OTUD7A: variants seen among roughly 807,000 people sequenced by gnomAD.
The protein encoded by OTUD7A is OTU domain-containing protein 7A.
In OTUD7A, 12 loss-of-function variants were observed where a neutral mutation model predicts 65.7. The observed-to-expected ratio is 0.18, with a 90% confidence interval of 0.12 to 0.30. The LOEUF is 0.30. Among genes scored for constraint, OTUD7A ranks in the 10% least tolerant of loss-of-function variants. The probability of loss-of-function intolerance (pLI) is 1.00; values close to 1 mark genes in which losing one functional copy is unlikely to be tolerated. For synonymous variants in OTUD7A, 641 were observed against 586.3 expected (o/e 1.09, Z -1.35); for missense variants, 1,148 against 1,304.8 (o/e 0.88, Z 1.85).
chr15:31,677,910 T>G (rs1892628790), intron 1 of OTUD7A, among the ~76,000 whole-genome samples: 1 of 152,148 alleles, frequency 6.6e-6, no homozygotes, highest in Non-Finnish European at 1.5e-5. Flanking sequence ...GACAGGAAGA[T>G]GTGGGAAACT....
chr15:31,678,895 C>T (rs1892651606), intron 1 of OTUD7A, among the ~76,000 whole-genome samples: 1 of 152,230 alleles, frequency 6.6e-6, no homozygotes, highest in African/African-American at 2.4e-5. Flanking sequence ...GATCCACCAA[C>T]AGCTTGTACT....
intron 10 of OTUD7A, among the ~76,000 whole-genome samples, chr15:31,493,195 T>C (rs750852686): frequency 3.3e-5 from 5 of 150,940 alleles, no homozygotes; most frequent in Non-Finnish European, 1.5e-5. Flanking sequence ...TAAAGACATA[T>C]GGAGGTTAAA....
At chr15:31,570,269 T>C (rs1419245189) in intron 3 of OTUD7A, 72 bp from the exon 4 acceptor site, 8 of 1,508,478 alleles carry the variant, frequency 5.3e-6, no homozygotes, top group Non-Finnish European at 7.3e-6. Context: ...AGAAGAACTG[T>C]GACAAGAAGG....
In OTUD7A at chr15:31,753,824, AAC is replaced by A. The variant is rs1894732413; in HGVS notation, c.-99-96749_-99-96748del. 2.7e-5 allele frequency among the ~76,000 whole-genome samples: 4 copies of A among 150,358 alleles called. No homozygotes were observed. The South Asian group carries it at 8.4e-4, about 32-fold the overall frequency. ...TGCAATTGAGAATTGTGCTGCTATA[AAC>A]ACACATGTGCAGTTATCTTTTTTTG... is the stretch of plus-strand genomic sequence containing the variant. On this transcript the variant is annotated intron_variant, in intron 1 of 12. Coordinates refer to ENST00000307050, the MANE Select transcript of OTUD7A (RefSeq NM_001382637.1).
chr15:31,607,281 A>G (rs1168047901), intron 3 of OTUD7A, among the ~76,000 whole-genome samples: 1 of 152,154 alleles, frequency 6.6e-6, no homozygotes, highest in Non-Finnish European at 1.5e-5. Flanking sequence ...CAGGGCCCTC[A>G]ATGAAGAACA....
At chr15:31,486,606 CCG>C (rs1373929173) in intron 12 of OTUD7A, among the ~76,000 whole-genome samples, 2 of 60,466 alleles carry the variant, frequency 3.3e-5, no homozygotes, top group Non-Finnish European at 6.7e-5. Flanking sequence ...AGGGGCAGCC[CCG>C]GACCCTCTGG....
chr15:31,527,401 A>G, intron 6 of OTUD7A, 93 bp from the exon 7 acceptor site: 1 of 1,492,120 alleles, frequency 6.7e-7, no homozygotes, highest in Non-Finnish European at 9.1e-7. Context: ...CCACTGGGAG[A>G]GCCTCCTGTC....
chr15:31,836,577 A>G (rs1341670914), intron 1 of OTUD7A, among the ~76,000 whole-genome samples: 1 of 152,224 alleles, frequency 6.6e-6, no homozygotes, highest in African/African-American at 2.4e-5. Flanking sequence ...TCATGAAGAC[A>G]GACACAACAA....
chr15:31,745,206 T>G (rs112911108), intron 1 of OTUD7A, among the ~76,000 whole-genome samples: 5 of 152,148 alleles, frequency 3.3e-5, no homozygotes, highest in African/African-American at 1.2e-4. Flanking sequence ...TTATTCAAAA[T>G]TTTAAATAAA....
intron 5 of OTUD7A, chr15:31,555,852 T>TTTTTTTTTTTC (rs1555396062): frequency 0.068 from 3,211 of 46,956 alleles, 191 homozygotes; most frequent in African/African-American, 0.33. Context: ...TTCTTTTTCT[T>TTTTTTTTTTTC]TTTTTTTTTT....
At position 31,567,446 on chromosome 15, in the gene OTUD7A, T is replaced by C. The variant is rs1566923751; in HGVS notation, c.331+2572A>G. On this transcript the variant is annotated intron_variant, in intron 4 of 12. Coordinates refer to ENST00000307050, the MANE Select transcript of OTUD7A (RefSeq NM_001382637.1). Reference sequence around the variant, plus strand: ...CAGCAAAGATAGGAGTTGGAACTTATATTTAAGGGAAGCAGAATGTAAAAG... The same window carrying C: ...CAGCAAAGATAGGAGTTGGAACTTACATTTAAGGGAAGCAGAATGTAAAAG... Among the ~76,000 whole-genome samples the C allele has an allele frequency of 1.3e-5, 2 of 152,310 alleles. 1 individual carries two copies. Among genetic ancestry groups the C allele is most frequent in the South Asian group, 4.1e-4 (2 of 4,820 alleles).
chr15:31,824,542 TAACAAA>T (rs902053588), intron 1 of OTUD7A, among the ~76,000 whole-genome samples: 1 of 152,216 alleles, frequency 6.6e-6, no homozygotes, highest in Non-Finnish European at 1.5e-5. Flanking sequence ...GTTCTAAAGA[TAACAAA>T]AACATTATGA....
Position 31,490,310 on chromosome 15 carries a change from G to A in OTUD7A, c.1172-2744C>T, listed in dbSNP as rs548271596. ...GGTGTTTTGTTTTTGTTTTTGAAAG[G>A]CCTCTTGTATGTCTTTTAGCCTGGA... is the stretch of plus-strand genomic sequence containing the variant. On this transcript the variant is annotated intron_variant, in intron 10 of 12. Transcript: ENST00000307050. 1.1e-3 allele frequency among the ~76,000 whole-genome samples: 166 copies of A among 152,302 alleles called. 1 individual carries two copies. Among genetic ancestry groups the A allele is most frequent in the African/African-American group, 3.9e-3 (162 of 41,564 alleles).
Position 31,717,532 on chromosome 15 carries a change from T to C in OTUD7A, c.-99-60455A>G, listed in dbSNP as rs572777656. ...TGTGTTAGTTTGCTGAAAATGATGG[T>C]TTCCAGCTTCATCCATGTCCCTACA... is the stretch of plus-strand genomic sequence containing the variant. On this transcript the variant is annotated intron_variant, in intron 1 of 12. Transcript: ENST00000307050. Among the ~76,000 whole-genome samples, 4 of 152,330 alleles carry C rather than the reference T, an allele frequency of 2.6e-5. No homozygotes were observed. In the East Asian group the frequency reaches 7.7e-4, roughly 29 times the overall value.
At chr15:31,580,667 C>T (rs893958891) in intron 3 of OTUD7A, among the ~76,000 whole-genome samples, 26 of 152,180 alleles carry the variant, frequency 1.7e-4, no homozygotes, top group Non-Finnish European at 2.9e-4. Flanking sequence ...TACATGGTGG[C>T]AGGCAAGAGC....
chr15:31,610,382 C>T (rs924796053), intron 3 of OTUD7A, among the ~76,000 whole-genome samples: 36 of 151,708 alleles, frequency 2.4e-4, no homozygotes, highest in Admixed American at 2.6e-4. Flanking sequence ...CCACTGACAG[C>T]GCTAGACAGG....
chr15:31,696,691 C>T (rs576415102), intron 1 of OTUD7A, among the ~76,000 whole-genome samples: 1 of 152,014 alleles, frequency 6.6e-6, no homozygotes, highest in Admixed American at 6.5e-5. Context: ...GTCCACCACC[C>T]AGATGACTCA....
intron 3 of OTUD7A, among the ~76,000 whole-genome samples, chr15:31,589,375 C>A (rs1321634857): frequency 1.3e-5 from 2 of 150,570 alleles, no homozygotes; most frequent in Non-Finnish European, 3.0e-5. Flanking sequence ...TCTTGGCTCA[C>A]TGCAACCTCT....
chr15:31,726,347 G>GCACACACACACACACACACACACGCA (rs5811658), intron 1 of OTUD7A, among the ~76,000 whole-genome samples: 1 of 149,814 alleles, frequency 6.7e-6, no homozygotes, highest in Non-Finnish European at 1.5e-5. Flanking sequence ...ACACACACAC[G>GCACACACACACACACACACACACGCA]CACACACACA....
Sources: gnomAD v4.1 joint callset for allele counts (sites outside exome capture counted in the v4.1 genomes callset) on GRCh38, gnomAD v4.1.1 for gene constraint, MANE v1.5 for transcripts, NCBI Gene and HGNC (gene_info 2026-07-23, HGNC 2026-07-21) for gene names.